MAGI2: variants seen among roughly 807,000 people sequenced by gnomAD.
The protein encoded by MAGI2 is membrane-associated guanylate kinase, WW and PDZ domain-containing protein 2.
A neutral mutation model predicts 133.3 loss-of-function variants in MAGI2; 35 were observed. That is an observed-to-expected ratio of 0.26 (90% CI 0.20 to 0.35). MAGI2 has a LOEUF of 0.35. Among genes scored for constraint, MAGI2 ranks in the 10% least tolerant of loss-of-function variants. The probability of loss-of-function intolerance (pLI) is 1.00; values close to 1 mark genes in which losing one functional copy is unlikely to be tolerated. For synonymous variants in MAGI2, 729 were observed against 710.6 expected (o/e 1.03, Z -0.41); for missense variants, 1,636 against 1,863.4 (o/e 0.88, Z 2.25).
At chr7:78,840,890 A>G in intron 2 of MAGI2, among the ~76,000 whole-genome samples, 2 of 151,886 alleles carry the variant, frequency 1.3e-5, no homozygotes, top group Admixed American at 1.3e-4. Flanking sequence ...AAATGTTATC[A>G]TAAACATTTA....
intron 1 of MAGI2, among the ~76,000 whole-genome samples, chr7:79,356,838 T>G (rs1229864156): frequency 6.6e-6 from 1 of 152,176 alleles, no homozygotes; most frequent in Non-Finnish European, 1.5e-5. Flanking sequence ...TCATCGGGTC[T>G]TACTCTATTA....
At chr7:79,056,024 G>T (rs1343168277) in intron 1 of MAGI2, among the ~76,000 whole-genome samples, 1 of 152,128 alleles carries the variant, frequency 6.6e-6, no homozygotes, top group Non-Finnish European at 1.5e-5. Flanking sequence ...GAGAGAAAAG[G>T]CCCCAGTAAG....
intron 1 of MAGI2, among the ~76,000 whole-genome samples, chr7:79,163,037 A>AAAACG (rs1339485157): frequency 6.6e-6 from 1 of 151,890 alleles, no homozygotes; most frequent in Non-Finnish European, 1.5e-5. Context: ...AAAACAAAAC[A>AAAACG]AAAAAAACAC....
chr7:79,114,070 A>G (rs1175356859), intron 1 of MAGI2, among the ~76,000 whole-genome samples: 1 of 152,218 alleles, frequency 6.6e-6, no homozygotes, highest in Non-Finnish European at 1.5e-5. Flanking sequence ...GCAAGCATGT[A>G]GAGTCATCCA....
chr7:78,491,194 G>A lies in MAGI2; in HGVS notation c.966-1354C>T, dbSNP rs547830173. 2.0e-5 allele frequency among the ~76,000 whole-genome samples: 3 copies of A among 152,228 alleles called. No homozygotes were observed. The East Asian group carries it at 5.8e-4, about 29-fold the overall frequency. On this transcript the variant is annotated intron_variant, in intron 5 of 21. Transcript: ENST00000354212. ...AGGCAGTATATTTAATCACAAGTGT[G>A]TAAAAACCAAGTTCCTTCTTAATGG...
intron 2 of MAGI2, among the ~76,000 whole-genome samples, chr7:78,636,369 T>TG (rs1554507782): frequency 1.4e-5 from 2 of 145,670 alleles, no homozygotes; most frequent in Non-Finnish European, 3.0e-5. Context: ...TTTTTTTTTT[T>TG]GAAGAAGAAA....
At chr7:79,279,600 T>G (rs1378505007) in intron 1 of MAGI2, among the ~76,000 whole-genome samples, 1 of 151,978 alleles carries the variant, frequency 6.6e-6, no homozygotes, top group African/African-American at 2.4e-5. Flanking sequence ...GCCCAGGAGG[T>G]CAAACCTGCA....
intron 6 of MAGI2, among the ~76,000 whole-genome samples, chr7:78,431,833 G>A (rs753652267): frequency 1.3e-5 from 2 of 151,916 alleles, no homozygotes; most frequent in Non-Finnish European, 2.9e-5. Flanking sequence ...ATAATACTAG[G>A]AGGAGAAAAT....
intron 1 of MAGI2, among the ~76,000 whole-genome samples, chr7:79,394,787 T>C (rs1040133111): frequency 5.9e-5 from 9 of 152,230 alleles, no homozygotes; most frequent in African/African-American, 2.2e-4. Flanking sequence ...AATGTTTCAC[T>C]ATATAATTTC....
intron 3 of MAGI2, among the ~76,000 whole-genome samples, chr7:78,550,503 CTAGA>C (rs553086724): frequency 1.1e-3 from 167 of 152,224 alleles, no homozygotes; most frequent in Non-Finnish European, 1.9e-3. Context: ...ATATATTCCT[CTAGA>C]TACTCTAAAA....
At chr7:78,525,213 A>C (rs1022774406) in intron 3 of MAGI2, among the ~76,000 whole-genome samples, 13 of 152,222 alleles carry the variant, frequency 8.5e-5, no homozygotes, top group Non-Finnish European at 1.5e-4. Flanking sequence ...CATTAAGATT[A>C]TCTTTATTGG....
At chr7:78,863,619 TA>T (rs1393804588) in intron 2 of MAGI2, among the ~76,000 whole-genome samples, 1 of 152,216 alleles carries the variant, frequency 6.6e-6, no homozygotes, top group Admixed American at 6.5e-5. Context: ...ACATGACAAC[TA>T]GGGGTACAAA....
intron 11 of MAGI2, among the ~76,000 whole-genome samples, chr7:78,195,586 G>A (rs918071727): frequency 1.3e-5 from 2 of 152,174 alleles, no homozygotes; most frequent in Non-Finnish European, 2.9e-5. Context: ...ACGTAATTAT[G>A]CAACCATCTA....
intron 3 of MAGI2, among the ~76,000 whole-genome samples, chr7:78,562,700 C>T (rs943412781): frequency 6.6e-6 from 1 of 152,016 alleles, no homozygotes; most frequent in African/African-American, 2.4e-5. Flanking sequence ...ATTGTAAATA[C>T]GTTTTTGAGC....
chr7:78,778,553 C>A (rs1273445127), intron 2 of MAGI2, among the ~76,000 whole-genome samples: 16 of 152,106 alleles, frequency 1.1e-4, no homozygotes, highest in Admixed American at 8.5e-4. Flanking sequence ...CCTAAAATGT[C>A]TATTTAAAGG....
chr7:78,290,640 ATTC>A (rs1180496549), intron 9 of MAGI2, among the ~76,000 whole-genome samples: 1 of 152,196 alleles, frequency 6.6e-6, no homozygotes, highest in Non-Finnish European at 1.5e-5. Flanking sequence ...CAGAATATAC[ATTC>A]TTCTCAGCAC....
intron 2 of MAGI2, among the ~76,000 whole-genome samples, chr7:78,918,624 A>G (rs1423495154): frequency 6.6e-6 from 1 of 152,192 alleles, no homozygotes; most frequent in African/African-American, 2.4e-5. Context: ...TATCTCAAAC[A>G]TCACCACACA....
chr7:79,095,608 A>G (rs531469308), intron 1 of MAGI2, among the ~76,000 whole-genome samples: 74 of 152,250 alleles, frequency 4.9e-4, no homozygotes, highest in African/African-American at 1.7e-3. Context: ...AGGGACTAGG[A>G]GGGCCCAACA....
At chr7:78,588,847 A>G (rs1398510237) in intron 3 of MAGI2, among the ~76,000 whole-genome samples, 1 of 152,194 alleles carries the variant, frequency 6.6e-6, no homozygotes, top group African/African-American at 2.4e-5. Context: ...GATTAAAAAG[A>G]TAGGATTTTA....
Sources: allele counts gnomAD v4.1 joint callset (sites outside exome capture counted in the v4.1 genomes callset), GRCh38; gene constraint gnomAD v4.1.1; transcripts MANE v1.5; gene names NCBI Gene and HGNC (gene_info 2026-07-23, HGNC 2026-07-21).